LRFN5: variants seen among roughly 807,000 people sequenced by gnomAD.
The protein encoded by LRFN5 is leucine-rich repeat and fibronectin type-III domain-containing protein 5.
LRFN5 carries 24 observed loss-of-function variants against 45.6 expected under a neutral mutation model. The observed-to-expected ratio is 0.53, with a 90% confidence interval of 0.38 to 0.74. LRFN5 has a LOEUF of 0.74. Ranked by LOEUF, LRFN5 falls within the 30% of genes least tolerant of loss-of-function variation. The pLI, the probability that LRFN5 is intolerant of heterozygous loss-of-function variation, is 0.00. For missense variants in LRFN5, 776 were observed against 861.5 expected (o/e 0.90, Z 1.24); for synonymous variants, 340 against 313.8 (o/e 1.08, Z -0.88).
At chr14:41,805,422 A>T (rs1887488228) in intron 2 of LRFN5, among the ~76,000 whole-genome samples, 1 of 141,280 alleles carries the variant, frequency 7.1e-6, no homozygotes, top group Admixed American at 7.1e-5. Context: ...TTATTTATTT[A>T]TTATTATTAT....
At chr14:41,829,149 G>A (rs1276114043) in intron 2 of LRFN5, among the ~76,000 whole-genome samples, 2 of 151,704 alleles carry the variant, frequency 1.3e-5, no homozygotes, top group Non-Finnish European at 2.9e-5. Context: ...TATGTCATTT[G>A]CATAATTACA....
Position 41,891,783 on chromosome 14 carries a change from C to T in LRFN5, c.1919C>T (p.Ser640Phe), listed in dbSNP as rs1890793526. 1 of 1,614,026 alleles carries T rather than the reference C, an allele frequency of 6.2e-7. No homozygotes were observed. Among genetic ancestry groups the T allele is most frequent in the African/African-American group, 1.3e-5 (1 of 74,910 alleles). ...TCCTGGACTTCAAGCACTTCTGTGTCCCAAAAGCAGAAAAGAAAGACTGGC... is the reference window on the plus strand; with the variant it reads ...TCCTGGACTTCAAGCACTTCTGTGTTCCAAAAGCAGAAAAGAAAGACTGGC... ...PPSWTSSTSV[S>F]QKQKRKTGTK... Residue 640 changes from serine to phenylalanine, a missense_variant, in exon 4 of 6, where the codon TCC (serine) becomes TTC (phenylalanine). By Grantham distance (155) the Ser-to-Phe change is radical (BLOSUM62 -2). Coordinates refer to ENST00000298119, the MANE Select transcript of LRFN5 (RefSeq NM_152447.5).
chr14:41,850,159 C>T (rs906462502), intron 2 of LRFN5, among the ~76,000 whole-genome samples: 1 of 151,856 alleles, frequency 6.6e-6, no homozygotes, highest in African/African-American at 2.4e-5. Flanking sequence ...TACATGTATA[C>T]TACTTGGAGC....
chr14:41,714,457 A>C (rs1466518672), intron 1 of LRFN5, among the ~76,000 whole-genome samples: 3 of 152,248 alleles, frequency 2.0e-5, no homozygotes, highest in Non-Finnish European at 4.4e-5. Context: ...CTTCAAAATT[A>C]TGCATGGTTA....
At chr14:41,894,070 C>A (rs779722439) in intron 4 of LRFN5, 4 of 984,112 alleles carry the variant, frequency 4.1e-6, no homozygotes, top group Non-Finnish European at 4.8e-6. Context: ...ACTACTTTTT[C>A]TCTTCTTAGA....
intron 2 of LRFN5, among the ~76,000 whole-genome samples, chr14:41,853,388 G>A (rs1185194560): frequency 6.6e-6 from 1 of 151,842 alleles, no homozygotes; most frequent in Non-Finnish European, 1.5e-5. Context: ...TCTTGGTCTA[G>A]GGAACTGACA....
chr14:41,642,747 C>T (rs1338343446), intron 1 of LRFN5, among the ~76,000 whole-genome samples: 2 of 152,162 alleles, frequency 1.3e-5, no homozygotes, highest in Non-Finnish European at 2.9e-5. Flanking sequence ...CCATTTGCTA[C>T]TTCACACTGT....
intron 2 of LRFN5, among the ~76,000 whole-genome samples, chr14:41,853,206 C>T (rs1010766657): frequency 5.3e-5 from 8 of 151,980 alleles, no homozygotes; most frequent in Admixed American, 2.6e-4. Context: ...ATAAATTGTT[C>T]GCTATGTGTG....
chr14:41,797,128 T>C (rs532309898), intron 2 of LRFN5, among the ~76,000 whole-genome samples: 1 of 152,040 alleles, frequency 6.6e-6, no homozygotes, highest in African/African-American at 2.4e-5. Context: ...TGATTTTTAA[T>C]GTCTTATGCA....
At chr14:41,852,751 C>T (rs565611121) in intron 2 of LRFN5, among the ~76,000 whole-genome samples, 160 of 152,026 alleles carry the variant, frequency 1.1e-3, no homozygotes, top group African/African-American at 3.5e-3. Context: ...ATCCTTCTTT[C>T]AGAGATTATT....
At chr14:41,813,914 G>A (rs950473650) in intron 2 of LRFN5, among the ~76,000 whole-genome samples, 2 of 152,132 alleles carry the variant, frequency 1.3e-5, no homozygotes, top group Non-Finnish European at 2.9e-5. Flanking sequence ...AATGACCAGT[G>A]ATGATGAGCT....
At chr14:41,642,449 A>T (rs1879623122) in intron 1 of LRFN5, among the ~76,000 whole-genome samples, 1 of 152,206 alleles carries the variant, frequency 6.6e-6, no homozygotes, top group Non-Finnish European at 1.5e-5. Context: ...GAGGCAGCAT[A>T]TGTGAATAGT....
chr14:41,773,629 TA>T (rs957104468), intron 2 of LRFN5, among the ~76,000 whole-genome samples: 11 of 152,126 alleles, frequency 7.2e-5, no homozygotes, highest in Admixed American at 1.3e-4. Flanking sequence ...AATTTTTGTC[TA>T]AAAAATAATT....
chr14:41,840,854 G>T (rs993039228), intron 2 of LRFN5, among the ~76,000 whole-genome samples: 1 of 151,918 alleles, frequency 6.6e-6, no homozygotes, highest in African/African-American at 2.4e-5. Context: ...ACCTGAGATA[G>T]AATTATTTTT....
rs144116682 is a variant in LRFN5, at chr14:41,772,439, G to A, written c.-21+5410G>A. On this transcript the variant is annotated intron_variant, in intron 2 of 5. Transcript: ENST00000298119. Reference sequence around the variant, plus strand: ...AGATACAAAATAAAGTCATCAATAGGACAAAAGCAATATGCTACCTATAAA... The same window carrying A: ...AGATACAAAATAAAGTCATCAATAGAACAAAAGCAATATGCTACCTATAAA... 9.7e-3 allele frequency among the ~76,000 whole-genome samples: 1,475 copies of A among 152,112 alleles called. 10 individuals are homozygous for A. The highest frequency in any genetic ancestry group is 0.014 in the Non-Finnish European group (943 of 67,988).
chr14:41,891,597 T>C lies in LRFN5; in HGVS notation c.1733T>C (p.Ile578Thr). Residue 578 changes from isoleucine to threonine, a missense_variant, in exon 4 of 6, where the codon ATA becomes ACA. Ile to Thr is a moderately conservative substitution (Grantham distance 89). Coordinates refer to ENST00000298119, the MANE Select transcript of LRFN5 (RefSeq NM_152447.5). ...TATTCCCAAACTAACGGGGCTCAAA[T>C]ACAAGGCTGTAGTGTAACGCTGCCC... ...NVYSQTNGAQ[I>T]QGCSVTLPQS... 1 of 1,614,156 alleles carries C rather than the reference T, an allele frequency of 6.2e-7. No homozygotes were observed. Among genetic ancestry groups the C allele is most frequent in the Non-Finnish European group, 8.5e-7 (1 of 1,180,018 alleles).
intron 1 of LRFN5, among the ~76,000 whole-genome samples, chr14:41,753,022 A>G (rs1470731148): frequency 3.9e-5 from 6 of 152,220 alleles, no homozygotes; most frequent in African/African-American, 1.4e-4. Context: ...TTAAATAGGG[A>G]AACCTTCCCC....
intron 2 of LRFN5, among the ~76,000 whole-genome samples, chr14:41,882,985 A>G (rs536058047): frequency 6.6e-6 from 1 of 150,906 alleles, no homozygotes; most frequent in South Asian, 2.1e-4. Context: ...AGTAACTGGG[A>G]CTACAGTTGC....
intron 2 of LRFN5, among the ~76,000 whole-genome samples, chr14:41,849,114 T>A (rs1228351869): frequency 2.6e-5 from 4 of 152,058 alleles, no homozygotes; most frequent in Non-Finnish European, 4.4e-5. Context: ...TAAGAAATGG[T>A]GGCATGAAAT....
Sources: allele counts gnomAD v4.1 joint callset (sites outside exome capture counted in the v4.1 genomes callset), GRCh38; gene constraint gnomAD v4.1.1; transcripts MANE v1.5; gene names NCBI Gene and HGNC (gene_info 2026-07-23, HGNC 2026-07-21).